The following CDK10 variants were observed in gnomAD, a reference collection of about 807,000 sequenced individuals.
The protein encoded by CDK10 is cyclin-dependent kinase 10.
In CDK10, 55 loss-of-function variants were observed where a neutral mutation model predicts 51.0. The ratio of observed to expected loss-of-function variants is 1.08; its 90% CI spans 0.87 to 1.35. The LOEUF (loss-of-function observed/expected upper bound fraction) is 1.35, where lower values mean the gene tolerates loss of function less well. Among genes scored for constraint, CDK10 ranks in the 40% most tolerant of loss-of-function variants. The probability of loss-of-function intolerance (pLI) is 0.00; values close to 1 mark genes in which losing one functional copy is unlikely to be tolerated. For missense variants in CDK10, 589 were observed against 485.1 expected, an observed-to-expected ratio of 1.21 and a Z score of -2.01; for synonymous variants, 255 against 199.1, an observed-to-expected ratio of 1.28 and a Z score of -2.36.
intron 1 of CDK10, among the ~76,000 whole-genome samples, chr16:89,688,290 G>C (rs1316825161): frequency 6.6e-6 from 1 of 151,948 alleles, no homozygotes; most frequent in Admixed American, 6.6e-5. Flanking sequence ...CACCGTGTTA[G>C]TCAGGGTGCT....
chr16:89,694,835 TCTGCGCCCG>T, intron 10 of CDK10, 47 bp downstream of exon 10: 5 of 1,157,698 alleles, frequency 4.3e-6, no homozygotes, highest in East Asian at 2.7e-5. Context: ...GCCCACGCCC[TCTGCGCCCG>T]CAGCCCCCGC....
At position 89,694,396 on chromosome 16, in the gene CDK10, G is replaced by A. The variant is rs764895474; in HGVS notation, c.668+164G>A. The A allele has an allele frequency of 1.7e-5, 15 of 876,438 alleles. No individual in the cohort carries two copies. In the African/African-American group the frequency reaches 2.5e-4, roughly 15 times the overall value. 54.3% of individuals were successfully genotyped at this position (876,438 alleles called of 1,614,324 possible). ...TGGGCCTGAGCCTGGAAACCCAGGA[G>A]GAGGTGTGAGAACTTAGCTTGCTGT... On this transcript the variant is annotated intron_variant, in intron 9 of 12. Coordinates refer to ENST00000353379, the MANE Select transcript of CDK10 (RefSeq NM_052988.5).
intron 2 of CDK10, chr16:89,689,633 C>G (rs1567513088): frequency 3.0e-6 from 1 of 334,488 alleles, no homozygotes. Context: ...ACATGGTGCT[C>G]ATGTCTATCA....
chr16:89,694,483 G>C, intron 9 of CDK10, 182 bp from the exon 10 acceptor site: 1 of 1,129,280 alleles, frequency 8.9e-7, no homozygotes, highest in East Asian at 2.6e-5. Flanking sequence ...TGTCACCCCG[G>C]GAGGCCTGCG....
At chr16:89,688,018 G>T (rs969498150) in intron 1 of CDK10, among the ~76,000 whole-genome samples, 2 of 151,514 alleles carry the variant, frequency 1.3e-5, no homozygotes, top group Admixed American at 1.3e-4. Context: ...GATACTGAGG[G>T]TTAAGAGAAG....
At chr16:89,686,942 C>A (rs1240721576) in intron 1 of CDK10, 145 bp downstream of exon 1, 1 of 661,704 alleles carries the variant, frequency 1.5e-6, no homozygotes, top group Non-Finnish European at 2.4e-6. Context: ...GCGGCGGGGG[C>A]GGAAGCCGGG....
At chr16:89,694,091 C>G in intron 8 of CDK10, 82 bp from the exon 9 acceptor site, 1 of 1,408,212 alleles carries the variant, frequency 7.1e-7, no homozygotes, top group Non-Finnish European at 1.0e-6. Context: ...CCACCACAGG[C>G]TCTCGGGGAG....
chr16:89,688,288 TAGTC>T (rs1349638511), intron 1 of CDK10, among the ~76,000 whole-genome samples: 1 of 151,966 alleles, frequency 6.6e-6, no homozygotes, highest in Non-Finnish European at 1.5e-5. Flanking sequence ...TTCACCGTGT[TAGTC>T]AGGGTGCTCT....
At chr16:89,690,178 C>A (rs905875660) in intron 2 of CDK10, 2 of 225,422 alleles carry the variant, frequency 8.9e-6, no homozygotes, top group Non-Finnish European at 1.8e-5. Context: ...CATCTTCACA[C>A]AAAATAAGGT....
At chr16:89,691,921 G>A in intron 5 of CDK10, 34 bp downstream of exon 5, 8 of 1,558,934 alleles carry the variant, frequency 5.1e-6, no homozygotes, top group Non-Finnish European at 7.1e-6. Flanking sequence ...TGGGGGAATG[G>A]GCTTCATGGG....
Position 89,686,727 on chromosome 16 carries a change from T to G in CDK10, c.17T>G (p.Leu6Arg). Reference sequence around the variant, plus strand: ...GCGCTCGGCATGGCGGAGCCAGATCTGGAGTGCGAGCAGATCCGTCTGAAG... The same window carrying G: ...GCGCTCGGCATGGCGGAGCCAGATCGGGAGTGCGAGCAGATCCGTCTGAAG... MAEPDLECEQIRLKCI... is the reference protein window; with the variant it reads MAEPDRECEQIRLKCI... The change falls in exon 1 of 13, where the codon CTG becomes CGG. Residue 6 changes from leucine (L) to arginine (R), a missense_variant. Leu to Arg is a moderately radical substitution (Grantham distance 102). Transcript: ENST00000353379. 1.2e-6 allele frequency: 2 copies of G among 1,608,758 alleles called. No homozygotes were observed. The highest frequency in any genetic ancestry group is 1.7e-6 in the Non-Finnish European group (2 of 1,177,566).
At chr16:89,690,651 C>T in intron 3 of CDK10, 27 bp downstream of exon 3, 1 of 1,584,444 alleles carries the variant, frequency 6.3e-7, no homozygotes, top group South Asian at 1.1e-5. Context: ...GGTGTTGGGA[C>T]CTCGCACTGG....
intron 1 of CDK10, 144 bp from the exon 2 acceptor site, chr16:89,689,108 A>G: frequency 4.5e-6 from 3 of 672,206 alleles, no homozygotes; most frequent in East Asian, 2.9e-5. Flanking sequence ...TCAAAAAAAG[A>G]AAAAAAAAGC....
At chr16:89,691,923 C>T (rs1267146787) in intron 5 of CDK10, 36 bp downstream of exon 5, 2 of 1,552,734 alleles carry the variant, frequency 1.3e-6, no homozygotes, top group Admixed American at 3.4e-5. Context: ...GGGGAATGGG[C>T]TTCATGGGCC....
At chr16:89,691,380 C>G in intron 3 of CDK10, 63 bp from the exon 4 acceptor site, 1 of 1,265,194 alleles carries the variant, frequency 7.9e-7, no homozygotes, top group Non-Finnish European at 1.1e-6. Flanking sequence ...CCAAGAGTGG[C>G]TGGGGTTGGG....
chr16:89,695,669 C>G lies in CDK10; in HGVS notation c.1060C>G (p.Gln354Glu), dbSNP rs1263906843. Residue 354 changes from glutamine (Q) to glutamate (E), a missense_variant, in exon 13 of 13, where the codon CAG (glutamine) becomes GAG (glutamate). Gln to Glu is a conservative substitution (Grantham distance 29). Coordinates refer to ENST00000353379, the MANE Select transcript of CDK10 (RefSeq NM_052988.5). ...GGCCGCCCCAGCCACCTCCGAGGGC[C>G]AGAGCAAGCGCTGTAAACCCTGACG... ...KRAAPATSEGQSKRCKP is the reference protein window; with the variant it reads ...KRAAPATSEGESKRCKP 2 of 1,601,586 alleles carry G rather than the reference C, an allele frequency of 1.2e-6. No individual in the cohort carries two copies. Among genetic ancestry groups the G allele is most frequent in the Non-Finnish European group, 1.7e-6 (2 of 1,176,020 alleles).
At position 89,686,763 on chromosome 16, in the gene CDK10, A is replaced by G. The variant is rs745665736; in HGVS notation, c.53A>G (p.Lys18Arg). 1 of 1,612,790 alleles carries G rather than the reference A, an allele frequency of 6.2e-7. No individual in the cohort carries two copies. The highest frequency in any genetic ancestry group is 1.1e-5 in the South Asian group (1 of 90,994). Residue 18 changes from lysine to arginine, a missense_variant, in exon 1 of 13, where the codon AAG (lysine) becomes AGG (arginine). Coordinates refer to ENST00000353379, the MANE Select transcript of CDK10 (RefSeq NM_052988.5). ...CAGATCCGTCTGAAGTGTATTCGTA[A>G]GGAGGGCTTCTTCACGGTGCCTCCG... Reference protein sequence around the residue: ...CEQIRLKCIRKEGFFTVPPEH... With the variant: ...CEQIRLKCIRREGFFTVPPEH...
At chr16:89,694,520 C>G in intron 9 of CDK10, 145 bp from the exon 10 acceptor site, 3 of 1,437,186 alleles carry the variant, frequency 2.1e-6, no homozygotes, top group Non-Finnish European at 2.8e-6. Context: ...CCAGTGGTCC[C>G]TGCCTGTCCT....
At chr16:89,692,425 TG>T in intron 5 of CDK10, 23 bp from the exon 6 acceptor site, 1 of 1,520,256 alleles carries the variant, frequency 6.6e-7, no homozygotes, top group Non-Finnish European at 8.8e-7. Flanking sequence ...TCACCCTGAC[TG>T]GTACCTCTGA....
Sources: allele counts gnomAD v4.1 joint callset (sites outside exome capture counted in the v4.1 genomes callset), GRCh38; gene constraint gnomAD v4.1.1; transcripts MANE v1.5; gene names NCBI Gene and HGNC (gene_info 2026-07-23, HGNC 2026-07-21).